NRG3: variants seen among roughly 807,000 people sequenced by gnomAD.
NRG3 encodes pro-neuregulin-3, membrane-bound isoform.
NRG3 carries 31 observed loss-of-function variants against 66.9 expected under a neutral mutation model. The ratio of observed to expected loss-of-function variants is 0.46; its 90% CI spans 0.35 to 0.63. The LOEUF (loss-of-function observed/expected upper bound fraction) is 0.63, where lower values mean the gene tolerates loss of function less well. NRG3 is among the 20% of genes least tolerant of loss of function. The probability of loss-of-function intolerance (pLI) is 0.00; values close to 1 mark genes in which losing one functional copy is unlikely to be tolerated. For missense variants in NRG3, 910 were observed against 878.9 expected (o/e 1.04, Z -0.45); for synonymous variants, 393 against 359.4 (o/e 1.09, Z -1.06).
intron 2 of NRG3, among the ~76,000 whole-genome samples, chr10:82,446,968 A>T (rs958299218): frequency 6.6e-6 from 1 of 152,200 alleles, no homozygotes; most frequent in Non-Finnish European, 1.5e-5. Flanking sequence ...GTATGTCATT[A>T]GACAGAACCT....
chr10:82,673,311 T>C (rs894498620), intron 2 of NRG3, among the ~76,000 whole-genome samples: 9 of 152,242 alleles, frequency 5.9e-5, no homozygotes, highest in Non-Finnish European at 1.3e-4. Flanking sequence ...TAAATGTATA[T>C]ATAGCTCACA....
At chr10:82,550,329 G>T (rs1016909985) in intron 2 of NRG3, among the ~76,000 whole-genome samples, 1 of 152,164 alleles carries the variant, frequency 6.6e-6, no homozygotes, top group Admixed American at 6.6e-5. Flanking sequence ...GAGAAAACAT[G>T]TTCAGCAAGG....
intron 2 of NRG3, 98 bp from the exon 3 acceptor site, chr10:82,738,479 G>C: frequency 1.1e-6 from 1 of 927,700 alleles, no homozygotes; most frequent in Non-Finnish European, 1.8e-6. Flanking sequence ...TGAATGTACT[G>C]TTCTCACATT....
intron 2 of NRG3, among the ~76,000 whole-genome samples, chr10:82,368,698 A>G (rs920241804): frequency 2.2e-5 from 3 of 138,358 alleles, no homozygotes; most frequent in Non-Finnish European, 4.4e-5. Flanking sequence ...GAATTATGCA[A>G]TATTTTGTAT....
chr10:82,538,073 C>T (rs1448503500), intron 2 of NRG3, among the ~76,000 whole-genome samples: 1 of 152,096 alleles, frequency 6.6e-6, no homozygotes, highest in Non-Finnish European at 1.5e-5. Context: ...TTCCAGAGAC[C>T]TTCAAACAAT....
chr10:82,909,512 A>G (rs942966848), intron 4 of NRG3, among the ~76,000 whole-genome samples: 1 of 152,156 alleles, frequency 6.6e-6, no homozygotes, highest in Non-Finnish European at 1.5e-5. Flanking sequence ...GGGGAAAAAA[A>G]AAGACCCTCC....
At chr10:82,000,017 G>A (rs4933816) in intron 1 of NRG3, among the ~76,000 whole-genome samples, 49,480 of 152,020 alleles carry the variant, frequency 0.33, 9,648 homozygotes, top group East Asian at 0.77. Context: ...TAACCCAGCA[G>A]TGAAACCCTA....
At chr10:82,451,166 A>G (rs2091003451) in intron 2 of NRG3, among the ~76,000 whole-genome samples, 1 of 152,174 alleles carries the variant, frequency 6.6e-6, no homozygotes, top group East Asian at 1.9e-4. Context: ...CTAGAGGAAG[A>G]TGAAATTATT....
At chr10:82,050,751 C>T (rs35241308) in intron 1 of NRG3, among the ~76,000 whole-genome samples, 36,339 of 135,390 alleles carry the variant, frequency 0.27, 4,484 homozygotes, top group Middle Eastern at 0.37. Context: ...GATAATGTCT[C>T]GTTTCCTCCT....
chr10:82,350,121 A>G (rs543946250), intron 1 of NRG3, among the ~76,000 whole-genome samples: 30 of 152,312 alleles, frequency 2.0e-4, no homozygotes, highest in Non-Finnish European at 3.1e-4. Flanking sequence ...ACCCACGAAC[A>G]TGAAAAAATA....
chr10:82,983,574 C>G (rs1853144719), intron 8 of NRG3, among the ~76,000 whole-genome samples: 1 of 152,088 alleles, frequency 6.6e-6, no homozygotes, highest in South Asian at 2.1e-4. Flanking sequence ...GTGACACATA[C>G]TAAAGATATA....
chr10:82,898,118 A>G (rs944365925), intron 4 of NRG3, among the ~76,000 whole-genome samples: 22 of 152,090 alleles, frequency 1.4e-4, no homozygotes, highest in Admixed American at 3.9e-4. Context: ...CCCTCAACCA[A>G]TGAGAGATAG....
intron 1 of NRG3, among the ~76,000 whole-genome samples, chr10:82,222,784 G>T (rs1556732): frequency 0.1 from 15,662 of 152,124 alleles, 861 homozygotes; most frequent in Middle Eastern, 0.18. Context: ...CTTCCAAATT[G>T]TTGGCATCAA....
intron 5 of NRG3, among the ~76,000 whole-genome samples, chr10:82,957,495 T>G (rs1850165539): frequency 6.6e-6 from 1 of 151,922 alleles, no homozygotes; most frequent in Admixed American, 6.5e-5. Context: ...ATGGAGTCAT[T>G]TGTGTTAAAA....
At chr10:82,884,608 A>C (rs1207390642) in intron 4 of NRG3, among the ~76,000 whole-genome samples, 1 of 152,184 alleles carries the variant, frequency 6.6e-6, no homozygotes, top group Non-Finnish European at 1.5e-5. Context: ...ACGCTATACT[A>C]TTAAAACAAT....
intron 3 of NRG3, among the ~76,000 whole-genome samples, chr10:82,786,278 G>C (rs901259706): frequency 6.6e-6 from 1 of 152,160 alleles, no homozygotes; most frequent in African/African-American, 2.4e-5. Context: ...CAAAACCCTA[G>C]GGACAGGGCT....
intron 2 of NRG3, among the ~76,000 whole-genome samples, chr10:82,457,929 C>A (rs1239144536): frequency 1.8e-4 from 28 of 152,200 alleles, no homozygotes; most frequent in Non-Finnish European, 1.5e-5. Context: ...GTGGGGTTAC[C>A]ATTTTTAAAG....
intron 1 of NRG3, among the ~76,000 whole-genome samples, chr10:82,113,360 A>G (rs1226276538): frequency 3.9e-5 from 6 of 152,174 alleles, no homozygotes; most frequent in African/African-American, 4.8e-5. Context: ...CCTGATCACT[A>G]TGCAGTGCCA....
At chr10:82,366,342 C>CTGG (rs2084522737) in intron 2 of NRG3, among the ~76,000 whole-genome samples, 3 of 152,176 alleles carry the variant, frequency 2.0e-5, no homozygotes, top group Admixed American at 1.3e-4. Context: ...CCAGTATCAT[C>CTGG]TGCCTTATTT....
Sources: allele counts gnomAD v4.1 joint callset (sites outside exome capture counted in the v4.1 genomes callset), GRCh38; gene constraint gnomAD v4.1.1; transcripts MANE v1.5; gene names NCBI Gene and HGNC (gene_info 2026-07-23, HGNC 2026-07-21).